EYS: variants seen among roughly 807,000 people sequenced by gnomAD.
The protein encoded by EYS is EGF-like photoreceptor maintenance factor, also known as protein eyes shut homolog.
Under a neutral mutation model 282.1 loss-of-function variants are expected in EYS, and 250 were observed. That is an observed-to-expected ratio of 0.89 (90% CI 0.80 to 0.98). EYS has a LOEUF of 0.98. EYS is among the 50% of genes least tolerant of loss of function. The pLI is 0.00. For missense variants in EYS, 4,016 were observed against 3,709.0 expected (o/e 1.08, Z -2.15); for synonymous variants, 1,355 against 1,282.9 (o/e 1.06, Z -1.20).
rs202090764 is a variant in EYS at position 64,682,378 on chromosome 6, AAAC to A, written c.3444-56136_3444-56134del. Among the ~76,000 whole-genome samples the A allele has an allele frequency of 6.8e-4, 104 of 152,020 alleles. 1 individual carries two copies. In the East Asian group the frequency reaches 0.018, roughly 27 times the overall value. ...GGGAGACTCCATCTCAAAACAACAA[AAAC>A]AACAACAACAACAACAAAAAGTGAT... On this transcript the variant is annotated intron_variant, in intron 22 of 42. Transcript: ENST00000503581.
chr6:64,444,183 T>G (rs1481262584), intron 26 of EYS, among the ~76,000 whole-genome samples: 1 of 152,190 alleles, frequency 6.6e-6, no homozygotes, highest in African/African-American at 2.4e-5. Flanking sequence ...TCTGACTTCT[T>G]TTTGTTTTCT....
chr6:63,721,410 C>T lies in EYS; in HGVS notation c.8621G>A (p.Cys2874Tyr), dbSNP rs1163588858. 1 of 1,551,614 alleles carries T rather than the reference C, an allele frequency of 6.4e-7. No individual in the cohort carries two copies. The highest frequency in any genetic ancestry group is 2.4e-5 in the East Asian group (1 of 40,932). Residue 2874 changes from cysteine (C) to tyrosine (Y), a missense_variant, in exon 43 of 43, where the codon TGT (cysteine) becomes TAT (tyrosine). Cys to Tyr is a radical substitution (Grantham distance 194). Coordinates refer to ENST00000503581, the MANE Select transcript of EYS (RefSeq NM_001142800.2). ...GTTGTACCCACAGGCTGTCCCATCACAGTCACCTACATTTGAGCCACCTTT... is the reference window on the plus strand; with the variant it reads ...GTTGTACCCACAGGCTGTCCCATCATAGTCACCTACATTTGAGCCACCTTT... ...GAKGGSNVGD[C>Y]DGTACGYNTC...
intron 41 of EYS, among the ~76,000 whole-genome samples, chr6:63,759,695 T>G (rs1769583300): frequency 6.6e-6 from 1 of 152,118 alleles, no homozygotes; most frequent in Admixed American, 6.6e-5. Context: ...TTTTTTCCTA[T>G]GAAGAAAGCA....
intron 26 of EYS, among the ~76,000 whole-genome samples, chr6:64,573,665 T>G (rs988288713): frequency 3.3e-5 from 5 of 149,714 alleles, no homozygotes; most frequent in Non-Finnish European, 7.5e-5. Context: ...GCAACAAACA[T>G]ATGAAAAAAA....
intron 31 of EYS, among the ~76,000 whole-genome samples, chr6:64,198,201 G>C (rs966085885): frequency 6.6e-6 from 1 of 150,838 alleles, no homozygotes; most frequent in South Asian, 2.1e-4. Flanking sequence ...TAGAGACGGG[G>C]TTTCATCGTG....
chr6:64,207,213 A>G (rs996294450), intron 31 of EYS, among the ~76,000 whole-genome samples: 1 of 151,762 alleles, frequency 6.6e-6, no homozygotes, highest in Middle Eastern at 3.2e-3. Flanking sequence ...GTTAATTATT[A>G]TGGGAGTGAG....
In EYS at chr6:64,049,612, G is replaced by A. The variant is rs567829695; in HGVS notation, c.6725+16726C>T. ...GTGGCTTAGAGGCAGATAGAGGTGG[G>A]TGTGTTTTACAGACTTTTGGAAAAG... On this transcript the variant is annotated intron_variant, in intron 33 of 42. Coordinates refer to ENST00000503581, the MANE Select transcript of EYS (RefSeq NM_001142800.2). 7.2e-5 allele frequency among the ~76,000 whole-genome samples: 11 copies of A among 152,194 alleles called. No homozygotes were observed. The South Asian group carries it at 2.3e-3, about 32-fold the overall frequency.
intron 31 of EYS, among the ~76,000 whole-genome samples, chr6:64,196,800 T>C (rs1181131959): frequency 6.6e-6 from 1 of 151,020 alleles, no homozygotes; most frequent in Middle Eastern, 3.4e-3. Context: ...TGCTAAATGA[T>C]GAGTTAATGG....
intron 1 of EYS, among the ~76,000 whole-genome samples, chr6:65,642,954 A>C (rs1562305240): frequency 6.6e-6 from 1 of 152,226 alleles, no homozygotes; most frequent in Admixed American, 6.5e-5. Context: ...CAGACAGAGC[A>C]GTGTGTGAAG....
At chr6:65,034,277 G>A (rs554144617) in intron 13 of EYS, among the ~76,000 whole-genome samples, 1 of 152,158 alleles carries the variant, frequency 6.6e-6, no homozygotes, top group Non-Finnish European at 1.5e-5. Context: ...TGTACTTTGA[G>A]TTAATGAAAT....
chr6:64,544,858 C>G (rs1327617308), intron 26 of EYS, among the ~76,000 whole-genome samples: 1 of 152,050 alleles, frequency 6.6e-6, no homozygotes, highest in African/African-American at 2.4e-5. Flanking sequence ...ATAACAGGCT[C>G]TGAAATTGAG....
intron 31 of EYS, among the ~76,000 whole-genome samples, chr6:64,093,557 T>A (rs1158177452): frequency 6.6e-6 from 1 of 152,174 alleles, no homozygotes; most frequent in Non-Finnish European, 1.5e-5. Context: ...TCTCTGTTTG[T>A]CTGTTGTTGG....
intron 31 of EYS, among the ~76,000 whole-genome samples, chr6:64,211,168 A>G (rs183989442): frequency 3.3e-5 from 5 of 152,114 alleles, no homozygotes; most frequent in African/African-American, 1.2e-4. Context: ...CCTCTAATCT[A>G]TCTATCCGTC....
intron 22 of EYS, among the ~76,000 whole-genome samples, chr6:64,675,023 C>T (rs1177051788): frequency 6.6e-6 from 1 of 152,154 alleles, no homozygotes; most frequent in Admixed American, 6.5e-5. Flanking sequence ...TTTATTTCTA[C>T]TGTTGCCCAA....
At chr6:64,640,781 C>T (rs1488745931) in intron 22 of EYS, among the ~76,000 whole-genome samples, 1 of 152,174 alleles carries the variant, frequency 6.6e-6, no homozygotes, top group Non-Finnish European at 1.5e-5. Flanking sequence ...TCTTAAGCTT[C>T]ATGATGAAAA....
At chr6:63,777,921 G>C in intron 40 of EYS, 85 bp downstream of exon 40, 3 of 1,245,814 alleles carry the variant, frequency 2.4e-6, no homozygotes, top group Non-Finnish European at 3.4e-6. Flanking sequence ...TGTGTTCCTA[G>C]TTTGTACAAG....
chr6:64,619,535 T>A (rs1767380139), intron 23 of EYS, among the ~76,000 whole-genome samples: 1 of 152,152 alleles, frequency 6.6e-6, no homozygotes, highest in Admixed American at 6.6e-5. Flanking sequence ...TCAATTTCAA[T>A]AGGCCACCTG....
chr6:65,456,473 A>G (rs1764623603), intron 5 of EYS, among the ~76,000 whole-genome samples: 2 of 151,834 alleles, frequency 1.3e-5, no homozygotes, highest in Non-Finnish European at 2.9e-5. Flanking sequence ...TTTACTCTTA[A>G]TGACTTAATA....
At chr6:63,972,458 T>C (rs1347640195) in intron 35 of EYS, among the ~76,000 whole-genome samples, 1 of 152,232 alleles carries the variant, frequency 6.6e-6, no homozygotes, top group Admixed American at 6.5e-5. Context: ...GATGAAGCTA[T>C]AATTTTTATA....
Sources: gnomAD v4.1 joint callset for allele counts (sites outside exome capture counted in the v4.1 genomes callset) on GRCh38, gnomAD v4.1.1 for gene constraint, MANE v1.5 for transcripts, NCBI Gene and HGNC (gene_info 2026-07-23, HGNC 2026-07-21) for gene names.